Variants in FRMD3 observed in about 807,000 individuals in gnomAD.
FRMD3 encodes FERM domain containing 3.
Under a neutral mutation model 70.2 loss-of-function variants are expected in FRMD3, and 33 were observed. That is an observed-to-expected ratio of 0.47 (90% CI 0.36 to 0.63). The LOEUF is 0.63. FRMD3 is among the 20% of genes least tolerant of loss of function. The pLI is 0.00. For synonymous variants in FRMD3, 279 were observed against 255.9 expected (o/e 1.09, Z -0.86); for missense variants, 632 against 711.4 (o/e 0.89, Z 1.27).
chr9:83,327,193 A>C (rs1173999564), intron 6 of FRMD3, among the ~76,000 whole-genome samples: 1 of 152,194 alleles, frequency 6.6e-6, no homozygotes, highest in Non-Finnish European at 1.5e-5. Context: ...ATGGTGTAGA[A>C]GACCAACATA....
At chr9:83,330,233 G>A (rs570677957) in intron 6 of FRMD3, among the ~76,000 whole-genome samples, 38 of 151,778 alleles carry the variant, frequency 2.5e-4, no homozygotes, top group African/African-American at 8.9e-4. Flanking sequence ...GCAGGGTGGC[G>A]CATGCCTGTA....
intron 1 of FRMD3, among the ~76,000 whole-genome samples, chr9:83,431,003 T>C (rs1375831555): frequency 6.6e-6 from 1 of 152,232 alleles, no homozygotes; most frequent in East Asian, 1.9e-4. Context: ...TGAGGTCTTA[T>C]TGTAATTCCG....
At position 83,415,505 on chromosome 9, in the gene FRMD3, C is replaced by T. The variant is rs561489629; in HGVS notation, c.148-25797G>A. 2.1e-5 allele frequency among the ~76,000 whole-genome samples: 3 copies of T among 146,092 alleles called. No individual in the cohort carries two copies. The Admixed American group carries it at 2.1e-4, about 10-fold the overall frequency. ...TCACCCAGGCTGGAGTGCAGTGGCG[C>T]GATCTCGGCTCACTCCAAGTTCCAC... On this transcript the variant is annotated intron_variant, in intron 1 of 13. Transcript: ENST00000304195.
At chr9:83,462,413 C>A (rs917084529) in intron 1 of FRMD3, among the ~76,000 whole-genome samples, 2 of 152,112 alleles carry the variant, frequency 1.3e-5, no homozygotes, top group Non-Finnish European at 1.5e-5. Context: ...AGCTAAGATG[C>A]CCATTTTCCC....
intron 3 of FRMD3, among the ~76,000 whole-genome samples, chr9:83,360,978 T>C (rs1824564756): frequency 6.6e-6 from 1 of 152,130 alleles, no homozygotes; most frequent in Non-Finnish European, 1.5e-5. Context: ...TGATGAACAG[T>C]TGAACTTGGT....
At chr9:83,479,729 G>GAAAAGAAAT (rs1564096923) in intron 1 of FRMD3, among the ~76,000 whole-genome samples, 193 of 65,944 alleles carry the variant, frequency 2.9e-3, no homozygotes, top group Middle Eastern at 9.4e-3. Context: ...AGAAAAGAAA[G>GAAAAGAAAT]GGAAAGAAAG....
the FRMD3 span, among the ~76,000 whole-genome samples, chr9:83,563,510 G>A: frequency 6.6e-6 from 1 of 152,092 alleles, no homozygotes; most frequent in Non-Finnish European, 1.5e-5. Flanking sequence ...CTGGCTTGTG[G>A]GTGCTCAGAT....
intron 5 of FRMD3, among the ~76,000 whole-genome samples, chr9:83,339,139 T>G (rs1823674981): frequency 6.6e-6 from 1 of 152,154 alleles, no homozygotes; most frequent in Non-Finnish European, 1.5e-5. Context: ...ATTATAGACT[T>G]GCAATGCTAC....
At chr9:83,509,717 C>T (rs1430914237) in intron 1 of FRMD3, among the ~76,000 whole-genome samples, 1 of 152,130 alleles carries the variant, frequency 6.6e-6, no homozygotes, top group African/African-American at 2.4e-5. Flanking sequence ...CTTGGCATTG[C>T]TTCTTACTAC....
chr9:83,552,045 T>G, the FRMD3 span, among the ~76,000 whole-genome samples: 1 of 152,232 alleles, frequency 6.6e-6, no homozygotes, highest in South Asian at 2.1e-4. Context: ...CTTCTTCAAT[T>G]CTTTCAGTTG....
At chr9:83,301,842 C>T (rs1261159778) in intron 10 of FRMD3, among the ~76,000 whole-genome samples, 1 of 152,226 alleles carries the variant, frequency 6.6e-6, no homozygotes. Context: ...CAAAGATGGC[C>T]AGTAGCTGTA....
chr9:83,355,539 A>C (rs1824307808), intron 3 of FRMD3, among the ~76,000 whole-genome samples: 1 of 152,164 alleles, frequency 6.6e-6, no homozygotes, highest in Non-Finnish European at 1.5e-5. Flanking sequence ...AGTGATCTTG[A>C]GAAAGCCACC....
chr9:83,506,531 T>C (rs1004217067), intron 1 of FRMD3, among the ~76,000 whole-genome samples: 5 of 152,144 alleles, frequency 3.3e-5, no homozygotes, highest in African/African-American at 1.2e-4. Flanking sequence ...AAAGGTACAG[T>C]AAAAATCGAC....
the FRMD3 span, among the ~76,000 whole-genome samples, chr9:83,551,956 G>A: frequency 6.0e-5 from 9 of 148,792 alleles, no homozygotes; most frequent in Admixed American, 6.7e-5. Context: ...ATGGTTTTTC[G>A]TGTCTCAATT....
At position 83,402,891 on chromosome 9, in the gene FRMD3, T is replaced by G. The variant is rs554988672; in HGVS notation, c.148-13183A>C. 4.4e-3 allele frequency among the ~76,000 whole-genome samples: 562 copies of G among 128,876 alleles called. 3 individuals are homozygous for G. Among genetic ancestry groups the G allele is most frequent in the Admixed American group, 7.5e-3 (86 of 11,420 alleles). The allele number at this position is 128,876 out of a possible 152,430, so 84.5% of individuals were successfully genotyped here. On this transcript the variant is annotated intron_variant, in intron 1 of 13. Coordinates refer to ENST00000304195, the MANE Select transcript of FRMD3 (RefSeq NM_174938.6). The stretch of plus-strand genomic sequence containing the variant: ...CTACAGAGACTCTCAATTTTCCTTC[T>G]TTCTTTCTTTTTTTTTTTTTTTTTT...
the FRMD3 span, among the ~76,000 whole-genome samples, chr9:83,548,388 G>A: frequency 6.6e-6 from 1 of 152,116 alleles, no homozygotes; most frequent in African/African-American, 2.4e-5. Context: ...GATAATACTC[G>A]ATGATTAAAA....
At chr9:83,414,905 A>G (rs567845422) in intron 1 of FRMD3, among the ~76,000 whole-genome samples, 15 of 152,344 alleles carry the variant, frequency 9.8e-5, no homozygotes, top group African/African-American at 3.6e-4. Context: ...ATAATTCAAG[A>G]AAGTTTTCTT....
Position 83,481,394 on chromosome 9 carries a change from A to G in FRMD3, c.147+56691T>C, listed in dbSNP as rs1008933397. On this transcript the variant is annotated intron_variant, in intron 1 of 13. Coordinates refer to ENST00000304195, the MANE Select transcript of FRMD3 (RefSeq NM_174938.6). ...TCTCCAGGTAGATTGTTTCAAAAGTACAGATATCTCTATAAAAGAAATTCT... is the reference window on the plus strand; with the variant it reads ...TCTCCAGGTAGATTGTTTCAAAAGTGCAGATATCTCTATAAAAGAAATTCT... Among the ~76,000 whole-genome samples, 5 of 152,230 alleles carry G rather than the reference A, an allele frequency of 3.3e-5. 1 individual carries two copies. The highest frequency in any genetic ancestry group is 1.2e-4 in the African/African-American group (5 of 41,460).
chr9:83,408,800 C>T (rs1428467928), intron 1 of FRMD3, among the ~76,000 whole-genome samples: 1 of 152,134 alleles, frequency 6.6e-6, no homozygotes, highest in Non-Finnish European at 1.5e-5. Context: ...ACCACAGGCA[C>T]CCTCGGACAC....
Sources: allele counts gnomAD v4.1 joint callset (sites outside exome capture counted in the v4.1 genomes callset), GRCh38; gene constraint gnomAD v4.1.1; transcripts MANE v1.5; gene names NCBI Gene and HGNC (gene_info 2026-07-23, HGNC 2026-07-21).